The following RASGRP2 variants were observed in gnomAD, a reference collection of about 807,000 sequenced individuals.
RASGRP2 encodes RAS guanyl-releasing protein 2.
RASGRP2 carries 44 observed loss-of-function variants against 71.0 expected under a neutral mutation model. The ratio of observed to expected loss-of-function variants is 0.62; its 90% CI spans 0.49 to 0.80. The LOEUF (loss-of-function observed/expected upper bound fraction) is 0.80. RASGRP2 is among the 30% of genes least tolerant of loss of function. The probability of loss-of-function intolerance (pLI) is 0.00; values close to 1 mark genes in which losing one functional copy is unlikely to be tolerated. For missense variants in RASGRP2, 663 were observed against 813.4 expected (o/e 0.82, Z 2.25); for synonymous variants, 350 against 330.7 (o/e 1.06, Z -0.63).
At chr11:64,728,752 C>G (rs1490788743) in intron 15 of RASGRP2, 111 bp downstream of exon 15, 1 of 1,203,032 alleles carries the variant, frequency 8.3e-7, no homozygotes, top group East Asian at 2.6e-5. Flanking sequence ...TTTATTATCC[C>G]ACCACAAAAA....
chr11:64,733,014 A>G (rs2057810702), intron 12 of RASGRP2, among the ~76,000 whole-genome samples: 1 of 151,748 alleles, frequency 6.6e-6, no homozygotes. Context: ...AATCTCAGCT[A>G]CTTGGGAGGC....
Position 64,729,245 on chromosome 11 carries a change from C to T in RASGRP2, c.1592-203G>A, listed in dbSNP as rs906155503. On this transcript the variant is annotated intron_variant, in intron 14 of 16. Coordinates refer to ENST00000394432, the MANE Select transcript of RASGRP2 (RefSeq NM_001098671.2). Reference sequence around the variant, plus strand: ...CATGTTCTCTGTTCCTGGGCAGCTGCGTCATCAAAATAAATGGCCTCTTAA... The same window carrying T: ...CATGTTCTCTGTTCCTGGGCAGCTGTGTCATCAAAATAAATGGCCTCTTAA... Among the ~76,000 whole-genome samples, 4 of 152,150 alleles carry T rather than the reference C, an allele frequency of 2.6e-5. No homozygotes were observed. The South Asian group carries it at 6.2e-4, about 24-fold the overall frequency.
chr11:64,735,719 C>G lies in RASGRP2; in HGVS notation c.1174-55G>C. The G allele has an allele frequency of 6.4e-7, 1 of 1,573,854 alleles. No homozygotes were observed. The highest frequency in any genetic ancestry group is 1.9e-5 in the Admixed American group (1 of 52,470). On this transcript the variant is annotated intron_variant, in intron 10 of 16. Transcript: ENST00000394432. The surrounding 1 kb of genome is among the most constrained non-coding windows in gnomAD (Gnocchi z 4.2). Reference sequence around the variant, plus strand: ...CCAGAGGCAGGGGAAGCCCAGAGCCCCGGGGAACAGAGAGGGGAATCCCTG... The same window carrying G: ...CCAGAGGCAGGGGAAGCCCAGAGCCGCGGGGAACAGAGAGGGGAATCCCTG...
At position 64,742,871 on chromosome 11, in the gene RASGRP2, G is replaced by C. The variant is rs569860856; in HGVS notation, c.-5C>G. ...CAGGTCCAGGGTGCCTGCCATGGCC[G>C]CCGGCGCGGGGTGGGCTGGGCCCAG... On this transcript the variant is annotated 5_prime_UTR_variant, in exon 2 of 17. Transcript: ENST00000394432. The surrounding 1 kb of genome is among the most constrained non-coding windows in gnomAD (Gnocchi z 4.7). 6.7e-5 allele frequency: 106 copies of C among 1,586,932 alleles called. 2 individuals carry two copies. In the South Asian group the frequency reaches 1.2e-3, roughly 18 times the overall value.
At position 64,727,321 on chromosome 11, in the gene RASGRP2, A is replaced by AC. The variant is rs1565495220; in HGVS notation, c.1810dup (p.Val604GlyfsTer3). 1 of 1,613,246 alleles carries AC rather than the reference A, an allele frequency of 6.2e-7. No homozygotes were observed. The highest frequency in any genetic ancestry group is 8.5e-7 in the Non-Finnish European group (1 of 1,179,758). On this transcript the variant is annotated frameshift_variant, in exon 16 of 17. Transcript: ENST00000394432. LOFTEE classifies it high-confidence loss of function. ...CATCTATTACAAGTGGATGTCAAAC[A>AC]CCCCATCCTCCACCGTCTGTACCTC...
rs370769462 is a variant in RASGRP2 at position 64,741,040 on chromosome 11, G to C, written c.279C>G (p.Asn93Lys). The change falls in exon 5 of 17, where the codon AAC becomes AAG. Residue 93 changes from asparagine to lysine, a missense_variant. By Grantham distance (94) the Asn-to-Lys change is moderately conservative. Transcript: ENST00000394432. ...ISAFPAEFDL[N>K]PELAEQIKEL... ...CCTTGATCTGCTCAGCCAACTCCGG[G>C]TTCAAGTCAAACTCCGCTGGGAAGG... is the stretch of plus-strand genomic sequence containing the variant. The C allele has an allele frequency of 6.2e-7, 1 of 1,613,720 alleles. No individual in the cohort carries two copies. The highest frequency in any genetic ancestry group is 8.5e-7 in the Non-Finnish European group (1 of 1,180,014).
intron 15 of RASGRP2, 43 bp from the exon 16 acceptor site, chr11:64,727,403 T>C (rs1485790479): frequency 1.3e-6 from 2 of 1,594,010 alleles, no homozygotes; most frequent in Non-Finnish European, 1.7e-6. Context: ...TCCAGGTCCC[T>C]GGGACTTCAT....
rs559946579 is a variant in RASGRP2 at position 64,729,999 on chromosome 11, G to A, written c.1554+54C>T. On this transcript the variant is annotated intron_variant, in intron 13 of 16. Transcript: ENST00000394432. ...GAGGCGGGGCCAGAAGGGAGGGCGG[G>A]GCCGGGGCTGGAGGGGCGTGGCTTG... 1.8e-5 allele frequency: 27 copies of A among 1,536,582 alleles called. No individual in the cohort carries two copies. The Admixed American group carries it at 3.6e-4, about 20-fold the overall frequency.
At position 64,739,331 on chromosome 11, in the gene RASGRP2, A is replaced by C. The variant is rs1177113977; in HGVS notation, c.813+29T>G. The C allele has an allele frequency of 6.4e-7, 1 of 1,560,626 alleles. No individual in the cohort carries two copies. The highest frequency in any genetic ancestry group is 1.7e-5 in the Admixed American group (1 of 59,942). ...GGACCCAGTGAAGACAGACCTGGGAAGCACCGGCCCCTCCCCAGTCCCAGG... is the reference window on the plus strand; with the variant it reads ...GGACCCAGTGAAGACAGACCTGGGACGCACCGGCCCCTCCCCAGTCCCAGG... On this transcript the variant is annotated intron_variant, in intron 8 of 16. Transcript: ENST00000394432. The surrounding 1 kb of genome is among the most constrained non-coding windows in gnomAD (Gnocchi z 4.2).
rs768647879 is a variant in RASGRP2, at chr11:64,735,569, C to A, written c.1269G>T (p.Val423=). 1.2e-6 allele frequency: 2 copies of A among 1,614,140 alleles called. No homozygotes were observed. The highest frequency in any genetic ancestry group is 1.7e-6 in the Non-Finnish European group (2 of 1,180,028). The change falls in exon 11 of 17, where the codon GTG becomes GTT. Residue 423 remains valine, a synonymous_variant. Coordinates refer to ENST00000394432, the MANE Select transcript of RASGRP2 (RefSeq NM_001098671.2). The surrounding 1 kb of genome is among the most constrained non-coding windows in gnomAD (Gnocchi z 4.2). ...AAKPKLDQAL[V]VEHIEKMVES... is the part of the protein sequence containing the mutation. Reference sequence around the variant, plus strand: ...CCACCATCTTCTCGATGTGCTCCACCACGAGGGCCTGATCCAGCTTGGGTT... The same window carrying A: ...CCACCATCTTCTCGATGTGCTCCACAACGAGGGCCTGATCCAGCTTGGGTT...
chr11:64,739,979 T>C lies in RASGRP2; in HGVS notation c.522+34A>G, dbSNP rs373742683. Reference sequence around the variant, plus strand: ...TCCTAGAACTCTCTTCCAGCCCACATTGGACCCCTGACCCCCCAGCCCTCG... The same window carrying C: ...TCCTAGAACTCTCTTCCAGCCCACACTGGACCCCTGACCCCCCAGCCCTCG... On this transcript the variant is annotated intron_variant, in intron 6 of 16. Transcript: ENST00000394432. The surrounding 1 kb of genome is among the most constrained non-coding windows in gnomAD (Gnocchi z 4.2). The C allele has an allele frequency of 1.8e-5, 29 of 1,613,722 alleles. No homozygotes were observed. Among genetic ancestry groups the C allele is most frequent in the South Asian group, 1.2e-4 (11 of 91,062 alleles).
chr11:64,734,069 T>C (rs1239584699), intron 12 of RASGRP2, among the ~76,000 whole-genome samples: 1 of 151,868 alleles, frequency 6.6e-6, no homozygotes, highest in Non-Finnish European at 1.5e-5. Context: ...CCTAGCACTT[T>C]GGGGGGCCAA....
intron 8 of RASGRP2, among the ~76,000 whole-genome samples, chr11:64,738,468 A>T: frequency 6.6e-6 from 1 of 151,706 alleles, no homozygotes; most frequent in East Asian, 1.9e-4. Context: ...ATGGAGTCTC[A>T]CTCTGTCGCC....
Position 64,742,459 on chromosome 11 carries a change from C to T in RASGRP2, c.73+335G>A. On this transcript the variant is annotated intron_variant, in intron 2 of 16. Coordinates refer to ENST00000394432, the MANE Select transcript of RASGRP2 (RefSeq NM_001098671.2). This position sits in a 1 kb window ranked among gnomAD's most constrained non-coding sequence, Gnocchi z 4.7. ...GGGCACCCCTTCACCAGATAAGCCGCCCCCCATTAGCCGGAAACAGCTCCC... is the reference window on the plus strand; with the variant it reads ...GGGCACCCCTTCACCAGATAAGCCGTCCCCCATTAGCCGGAAACAGCTCCC... The T allele has an allele frequency of 3.6e-6, 2 of 561,466 alleles. No individual in the cohort carries two copies. Among genetic ancestry groups the T allele is most frequent in the East Asian group, 6.1e-5 (2 of 32,862 alleles). 34.8% of individuals were successfully genotyped at this position (561,466 alleles called of 1,614,324 possible).
chr11:64,739,966 C>T lies in RASGRP2; in HGVS notation c.522+47G>A, dbSNP rs1337249222. 2 of 1,613,736 alleles carry T rather than the reference C, an allele frequency of 1.2e-6. No homozygotes were observed. The highest frequency in any genetic ancestry group is 2.2e-5 in the South Asian group (2 of 91,002). ...GGGACCCTGCCCCTCCTAGAACTCTCTTCCAGCCCACATTGGACCCCTGAC... is the reference window on the plus strand; with the variant it reads ...GGGACCCTGCCCCTCCTAGAACTCTTTTCCAGCCCACATTGGACCCCTGAC... On this transcript the variant is annotated intron_variant, in intron 6 of 16. Transcript: ENST00000394432. This position sits in a 1 kb window ranked among gnomAD's most constrained non-coding sequence, Gnocchi z 4.2.
chr11:64,738,771 G>A (rs2058026240), intron 8 of RASGRP2, among the ~76,000 whole-genome samples: 1 of 151,868 alleles, frequency 6.6e-6, no homozygotes, highest in Admixed American at 6.6e-5. Context: ...CTATATGTAT[G>A]TTACTCAATA....
rs937325075 is a variant in RASGRP2, at chr11:64,742,297, T to G, written c.74-185A>C. Among the ~76,000 whole-genome samples, 15 of 151,818 alleles carry G rather than the reference T, an allele frequency of 9.9e-5. No individual in the cohort carries two copies. Among genetic ancestry groups the G allele is most frequent in the Non-Finnish European group, 1.8e-4 (12 of 67,912 alleles). On this transcript the variant is annotated intron_variant, in intron 2 of 16. Coordinates refer to ENST00000394432, the MANE Select transcript of RASGRP2 (RefSeq NM_001098671.2). The surrounding 1 kb of genome is among the most constrained non-coding windows in gnomAD (Gnocchi z 4.7). Reference sequence around the variant, plus strand: ...GAGGAAAGGTGTGGTGGGCGAGAGATAGGCACGCCCTGAGGACTGGAGGAG... The same window carrying G: ...GAGGAAAGGTGTGGTGGGCGAGAGAGAGGCACGCCCTGAGGACTGGAGGAG...
Position 64,739,516 on chromosome 11 carries a change from A to G in RASGRP2, c.697-40T>C. 1.2e-6 allele frequency: 2 copies of G among 1,609,218 alleles called. No individual in the cohort carries two copies. Among genetic ancestry groups the G allele is most frequent in the Non-Finnish European group, 1.7e-6 (2 of 1,175,656 alleles). On this transcript the variant is annotated intron_variant, in intron 7 of 16. Transcript: ENST00000394432. This position sits in a 1 kb window ranked among gnomAD's most constrained non-coding sequence, Gnocchi z 4.2. ...GGGACGGAGAGGCAGGGAGTCACTGAGTGGGCCCAGAATTTGGCCCAGCTT... is the reference window on the plus strand; with the variant it reads ...GGGACGGAGAGGCAGGGAGTCACTGGGTGGGCCCAGAATTTGGCCCAGCTT...
chr11:64,740,356 T>C (rs772694448), intron 5 of RASGRP2, 193 bp from the exon 6 acceptor site: 3 of 731,418 alleles, frequency 4.1e-6, no homozygotes, highest in African/African-American at 1.7e-5. Flanking sequence ...CACACATTTA[T>C]GAACAACGTA....
Sources: gnomAD v4.1 joint callset for allele counts (sites outside exome capture counted in the v4.1 genomes callset) on GRCh38, gnomAD v4.1.1 for gene constraint, Gnocchi (gnomAD v3.1) non-coding constraint, MANE v1.5 for transcripts, NCBI Gene and HGNC (gene_info 2026-07-23, HGNC 2026-07-21) for gene names.